Variants in FYTTD1 observed in about 807,000 individuals in gnomAD.
The protein encoded by FYTTD1 is forty-two-three domain containing 1, also known as UAP56-interacting factor.
FYTTD1 carries 22 observed loss-of-function variants against 40.9 expected under a neutral mutation model. That is an observed-to-expected ratio of 0.54 (90% CI 0.38 to 0.77). FYTTD1 has a LOEUF of 0.77. FYTTD1 is among the 30% of genes least tolerant of loss of function. The pLI is 0.00. For missense variants in FYTTD1, 351 were observed against 392.2 expected (o/e 0.90, Z 0.89); for synonymous variants, 140 against 137.9 (o/e 1.01, Z -0.10).
chr3:197,753,713 T>G (rs945456897), intron 1 of FYTTD1, among the ~76,000 whole-genome samples: 9 of 152,172 alleles, frequency 5.9e-5, no homozygotes, highest in African/African-American at 2.2e-4. Context: ...CTGCTACTTC[T>G]GATTTTTAGT....
intron 2 of FYTTD1, 93 bp downstream of exon 2, chr3:197,756,650 C>A: frequency 1.7e-6 from 2 of 1,157,764 alleles, no homozygotes; most frequent in Non-Finnish European, 2.5e-6. Context: ...AGGAATGCGT[C>A]AGTACTCTTT....
At chr3:197,760,129 G>A (rs550448178) in intron 2 of FYTTD1, among the ~76,000 whole-genome samples, 21 of 152,096 alleles carry the variant, frequency 1.4e-4, no homozygotes, top group Non-Finnish European at 2.4e-4. Flanking sequence ...TTCCTCAGTG[G>A]TAGAACTTAT....
Position 197,749,981 on chromosome 3 carries a change from T to C in FYTTD1, c.10T>C (p.Phe4Leu), listed in dbSNP as rs747153175. 2.5e-6 allele frequency: 4 copies of C among 1,581,432 alleles called. No homozygotes were observed. In the African/African-American group the frequency reaches 4.2e-5, roughly 17 times the overall value. The change falls in exon 1 of 9, where the codon TTT becomes CTT. Residue 4 changes from phenylalanine to leucine, a missense_variant. Coordinates refer to ENST00000241502, the MANE Select transcript of FYTTD1 (RefSeq NM_032288.7). ...CGCGACGTCTCCAGCCATGAACCGG[T>C]TTGGTACCCGGTTGGTGGGAGCCAC... MNR[F>L]GTRLVGATAT...
chr3:197,780,010 A>C (rs1189590865), intron 8 of FYTTD1, among the ~76,000 whole-genome samples: 4 of 136,490 alleles, frequency 2.9e-5, no homozygotes, highest in African/African-American at 1.2e-4. Context: ...ATACAGGCAC[A>C]CACTGCCACA....
intron 2 of FYTTD1, among the ~76,000 whole-genome samples, chr3:197,760,237 G>T (rs1729339472): frequency 6.6e-6 from 1 of 151,702 alleles, no homozygotes; most frequent in South Asian, 2.1e-4. Context: ...TTGTTCTTCA[G>T]TGGTAGAACG....
In FYTTD1 at chr3:197,768,345, A is replaced by AT; in HGVS notation, c.236-93dup. The AT allele has an allele frequency of 5.8e-6, 5 of 869,212 alleles. No individual in the cohort carries two copies. The South Asian group carries it at 1.1e-4, about 19-fold the overall frequency. The allele number at this position is 869,212 out of a possible 1,614,324, so 53.8% of individuals were successfully genotyped here. A position where few individuals can be genotyped will look rare whatever the true frequency, so the allele number is the denominator to read the frequency against. ...ATAAATAATAACATAATAAATGTTC[A>AT]TAAGTTCCCCCTTCCTTGGGAAATA... On this transcript the variant is annotated intron_variant, in intron 2 of 8. Coordinates refer to ENST00000241502, the MANE Select transcript of FYTTD1 (RefSeq NM_032288.7).
Position 197,782,784 on chromosome 3 carries a change from T to TA in FYTTD1, c.*876dup, listed in dbSNP as rs1730063112. 6.6e-6 allele frequency: 1 copy of TA among 152,240 alleles called. No homozygotes were observed. The highest frequency in any genetic ancestry group is 6.5e-5 in the Admixed American group (1 of 15,284). The allele number at this position is 152,240 out of a possible 1,614,324, so 9.4% of individuals were successfully genotyped here. On this transcript the variant is annotated 3_prime_UTR_variant, in exon 9 of 9. Transcript: ENST00000241502. The stretch of plus-strand genomic sequence containing the variant: ...CGTCCACAAAGAATTATTCAAATGA[T>TA]ATTTAGAAGAATTATAACTATTACA...
At chr3:197,768,637 A>G (rs1729621248) in intron 3 of FYTTD1, 50 bp downstream of exon 3, 4 of 1,489,798 alleles carry the variant, frequency 2.7e-6, no homozygotes, top group African/African-American at 1.4e-5. Flanking sequence ...CTTTATTTGT[A>G]CTAACATTTC....
At chr3:197,758,628 G>A (rs1729278466) in intron 2 of FYTTD1, among the ~76,000 whole-genome samples, 1 of 152,206 alleles carries the variant, frequency 6.6e-6, no homozygotes, top group Non-Finnish European at 1.5e-5. Flanking sequence ...TATGATCTGA[G>A]CCTTGAAATA....
At chr3:197,750,578 G>A (rs9844344) in intron 1 of FYTTD1, 3 of 985,280 alleles carry the variant, frequency 3.0e-6, no homozygotes, top group Admixed American at 1.2e-4. Context: ...TTCCCTGGTC[G>A]CCGGGCGTTC....
chr3:197,771,068 C>T (rs1368810019), intron 4 of FYTTD1, among the ~76,000 whole-genome samples: 1 of 152,104 alleles, frequency 6.6e-6, no homozygotes, highest in Admixed American at 6.5e-5. Context: ...AAATTATGGC[C>T]TGTGAGCTGG....
chr3:197,781,208 G>A (rs1730019504), intron 8 of FYTTD1, among the ~76,000 whole-genome samples: 1 of 151,922 alleles, frequency 6.6e-6, no homozygotes, highest in African/African-American at 2.4e-5. Context: ...CAGCTACTCG[G>A]GAGGCTGAGG....
chr3:197,754,977 T>A (rs1729168779), intron 1 of FYTTD1, among the ~76,000 whole-genome samples: 1 of 152,278 alleles, frequency 6.6e-6, no homozygotes, highest in South Asian at 2.1e-4. Flanking sequence ...TAAATGAGTA[T>A]TTTTGGCTTC....
rs1730075796 is a variant in FYTTD1, at chr3:197,783,257, G to A, written c.*1348G>A. On this transcript the variant is annotated 3_prime_UTR_variant, in exon 9 of 9. Coordinates refer to ENST00000241502, the MANE Select transcript of FYTTD1 (RefSeq NM_032288.7). ...ACGTTACAAGTTTGGTCATTTTGAA[G>A]CTTGACATTTTAGTTTGCCATTATG... 6.6e-6 allele frequency: 1 copy of A among 152,590 alleles called. No homozygotes were observed. Among genetic ancestry groups the A allele is most frequent in the Non-Finnish European group, 1.5e-5 (1 of 68,042 alleles). 9.5% of individuals were successfully genotyped at this position (152,590 alleles called of 1,614,324 possible).
At chr3:197,779,169 C>G (rs193140835) in intron 8 of FYTTD1, among the ~76,000 whole-genome samples, 24 of 152,226 alleles carry the variant, frequency 1.6e-4, no homozygotes, top group African/African-American at 5.8e-4. Flanking sequence ...AATCCCAGCA[C>G]TTTGGGAGGC....
chr3:197,772,350 T>C (rs369734059), intron 4 of FYTTD1, among the ~76,000 whole-genome samples: 2 of 152,314 alleles, frequency 1.3e-5, no homozygotes, highest in East Asian at 3.9e-4. Flanking sequence ...AATACATCAG[T>C]TGAAGACATG....
chr3:197,781,737 C>T, intron 8 of FYTTD1, 74 bp from the exon 9 acceptor site: 1 of 1,038,164 alleles, frequency 9.6e-7, no homozygotes. Context: ...ATTATTGTTC[C>T]AAAGCAAATA....
intron 1 of FYTTD1, among the ~76,000 whole-genome samples, chr3:197,755,288 AC>A (rs1729179852): frequency 6.6e-6 from 1 of 152,132 alleles, no homozygotes; most frequent in African/African-American, 2.4e-5. Flanking sequence ...TAGAAAAGGG[AC>A]CGTATTTTAC....
intron 6 of FYTTD1, among the ~76,000 whole-genome samples, chr3:197,774,734 GATC>G (rs1729824514): frequency 8.6e-5 from 13 of 151,234 alleles, no homozygotes; most frequent in South Asian, 2.1e-4. Flanking sequence ...AGCATAGCTC[GATC>G]GCCAGTGCAC....
Sources: allele counts gnomAD v4.1 joint callset (sites outside exome capture counted in the v4.1 genomes callset), GRCh38; gene constraint gnomAD v4.1.1; transcripts MANE v1.5; gene names NCBI Gene and HGNC (gene_info 2026-07-23, HGNC 2026-07-21).